SNTG1: variants seen among roughly 807,000 people sequenced by gnomAD.
SNTG1 encodes syntrophin gamma 1, also known as gamma-1-syntrophin.
SNTG1 carries 39 observed loss-of-function variants against 74.7 expected under a neutral mutation model. The observed-to-expected ratio is 0.52, with a 90% CI of 0.40 to 0.68. The LOEUF (loss-of-function observed/expected upper bound fraction) is 0.68. Ranked by LOEUF, SNTG1 falls within the 30% of genes least tolerant of loss-of-function variation. The pLI is 0.00. For synonymous variants in SNTG1, 254 were observed against 217.1 expected (o/e 1.17, Z -1.49); for missense variants, 685 against 609.5 (o/e 1.12, Z -1.30).
chr8:50,172,540 T>A (rs1586579543), intron 1 of SNTG1, 21 bp from the exon 2 acceptor site: 1 of 152,256 alleles, frequency 6.6e-6, no homozygotes, highest in East Asian at 1.9e-4. Flanking sequence ...AGGACTTATT[T>A]TTTTTTATTT....
chr8:50,536,864 A>C (rs982334418), intron 11 of SNTG1, 56 bp downstream of exon 11: 2 of 1,599,418 alleles, frequency 1.3e-6, no homozygotes, highest in Non-Finnish European at 1.7e-6. Flanking sequence ...GAGACCTTTT[A>C]GAAAACCTTT....
chr8:50,377,842 G>A (rs1343080381), intron 2 of SNTG1, among the ~76,000 whole-genome samples: 2 of 152,110 alleles, frequency 1.3e-5, no homozygotes, highest in African/African-American at 2.4e-5. Flanking sequence ...GTTCCTCAGG[G>A]GTGAACAGAA....
At chr8:50,541,502 T>A (rs1361542263) in intron 11 of SNTG1, among the ~76,000 whole-genome samples, 1 of 152,128 alleles carries the variant, frequency 6.6e-6, no homozygotes, top group African/African-American at 2.4e-5. Context: ...ACATTATATA[T>A]GATACTATAT....
chr8:50,434,678 A>T (rs1210424957), intron 4 of SNTG1, among the ~76,000 whole-genome samples: 3 of 152,160 alleles, frequency 2.0e-5, no homozygotes, highest in Non-Finnish European at 4.4e-5. Context: ...TTGGCTGCAT[A>T]AATGTCATCT....
intron 12 of SNTG1, among the ~76,000 whole-genome samples, chr8:50,556,852 T>C (rs1003570888): frequency 1.3e-5 from 2 of 152,168 alleles, no homozygotes; most frequent in Non-Finnish European, 2.9e-5. Flanking sequence ...TCAGATGAGA[T>C]AGCAGATGAC....
chr8:50,363,192 G>C (rs530171947), intron 2 of SNTG1, among the ~76,000 whole-genome samples: 1 of 152,082 alleles, frequency 6.6e-6, no homozygotes, highest in South Asian at 2.1e-4. Context: ...CTTTTACCTA[G>C]TCACTCAACC....
intron 1 of SNTG1, among the ~76,000 whole-genome samples, chr8:50,119,607 T>C (rs1481218523): frequency 2.8e-5 from 4 of 142,206 alleles, no homozygotes; most frequent in Non-Finnish European, 6.3e-5. Flanking sequence ...GTGATAATTT[T>C]TACATTATTA....
At chr8:50,756,944 G>A (rs977024348) in intron 18 of SNTG1, among the ~76,000 whole-genome samples, 2 of 151,780 alleles carry the variant, frequency 1.3e-5, no homozygotes, top group South Asian at 2.1e-4. Context: ...ATTTATCAGA[G>A]TTTGATAGTT....
chr8:50,514,966 T>C (rs2094118737), intron 9 of SNTG1, among the ~76,000 whole-genome samples: 1 of 152,226 alleles, frequency 6.6e-6, no homozygotes, highest in South Asian at 2.1e-4. Context: ...AGTTTTACTA[T>C]TATAAAATAT....
intron 18 of SNTG1, among the ~76,000 whole-genome samples, chr8:50,756,224 T>C (rs1444793162): frequency 6.6e-6 from 1 of 151,852 alleles, no homozygotes; most frequent in African/African-American, 2.4e-5. Flanking sequence ...CTCTTGAGAA[T>C]GTCTTTCATA....
intron 2 of SNTG1, among the ~76,000 whole-genome samples, chr8:50,227,085 T>C (rs938188400): frequency 6.6e-6 from 1 of 152,314 alleles, no homozygotes; most frequent in South Asian, 2.1e-4. Flanking sequence ...ATGATTTTTT[T>C]TGTACTTACC....
At chr8:50,082,477 C>T (rs549586054) in intron 1 of SNTG1, among the ~76,000 whole-genome samples, 9 of 152,176 alleles carry the variant, frequency 5.9e-5, no homozygotes, top group Admixed American at 1.3e-4. Context: ...GAAATATGTG[C>T]CTGTTTATTT....
chr8:49,991,376 ACT>A (rs1813672908), intron 1 of SNTG1, among the ~76,000 whole-genome samples: 1 of 152,042 alleles, frequency 6.6e-6, no homozygotes, highest in Non-Finnish European at 1.5e-5. Flanking sequence ...CTGTGAAAAC[ACT>A]CTGGCCGTTC....
At chr8:50,447,549 A>G (rs1374247752) in intron 5 of SNTG1, among the ~76,000 whole-genome samples, 1 of 152,206 alleles carries the variant, frequency 6.6e-6, no homozygotes, top group East Asian at 1.9e-4. Context: ...AGAGGCTATC[A>G]GTGACCTTAC....
chr8:50,065,768 C>T (rs1175522359), intron 1 of SNTG1, among the ~76,000 whole-genome samples: 1 of 152,114 alleles, frequency 6.6e-6, no homozygotes, highest in Non-Finnish European at 1.5e-5. Flanking sequence ...AGGGTATTTG[C>T]CAAGGAGGGA....
chr8:49,920,681 A>G (rs1178231746), intron 1 of SNTG1, among the ~76,000 whole-genome samples: 1 of 152,058 alleles, frequency 6.6e-6, no homozygotes, highest in Non-Finnish European at 1.5e-5. Context: ...CTTGATCTTA[A>G]TCTTATACAA....
At chr8:50,035,808 C>A (rs180914025) in intron 1 of SNTG1, among the ~76,000 whole-genome samples, 193 of 152,234 alleles carry the variant, frequency 1.3e-3, no homozygotes, top group African/African-American at 4.4e-3. Context: ...CCGGAACACA[C>A]AAATCCGACA....
chr8:50,583,240 T>C (rs1278901508), intron 12 of SNTG1, among the ~76,000 whole-genome samples: 2 of 151,832 alleles, frequency 1.3e-5, no homozygotes, highest in Non-Finnish European at 2.9e-5. Context: ...CTGTCTCTAC[T>C]AAGAATACAA....
At chr8:50,491,365 GA>G (rs2131883225) in intron 8 of SNTG1, 1 of 152,468 alleles carries the variant, frequency 6.6e-6, no homozygotes, top group East Asian at 1.9e-4. Flanking sequence ...TCATGTACGG[GA>G]AAGAAAACAG....
Sources: gnomAD v4.1 joint callset for allele counts (sites outside exome capture counted in the v4.1 genomes callset) on GRCh38, gnomAD v4.1.1 for gene constraint, MANE v1.5 for transcripts, NCBI Gene and HGNC (gene_info 2026-07-23, HGNC 2026-07-21) for gene names.